SLC35F4: variants seen among roughly 807,000 people sequenced by gnomAD.
SLC35F4 encodes the protein solute carrier family 35 member F4.
Under a neutral mutation model 44.2 loss-of-function variants are expected in SLC35F4, and 24 were observed. The observed-to-expected ratio is 0.54, with a 90% CI of 0.39 to 0.76. The LOEUF (loss-of-function observed/expected upper bound fraction) is 0.76, where lower values mean the gene tolerates loss of function less well. SLC35F4 is among the 30% of genes least tolerant of loss of function. The probability of loss-of-function intolerance (pLI) is 0.00; values close to 1 mark genes in which losing one functional copy is unlikely to be tolerated. For missense variants in SLC35F4, 562 were observed against 586.1 expected (o/e 0.96, Z 0.42); for synonymous variants, 238 against 223.6 (o/e 1.06, Z -0.57).
chr14:57,880,030 GAGGGAGGAAGGAAGGAAGGA>G lies in SLC35F4; in HGVS notation n.282+101863_282+101882del, dbSNP rs1394144205. 9.0e-3 allele frequency among the ~76,000 whole-genome samples: 1,077 copies of G among 120,154 alleles called. 34 individuals are homozygous for G. Among genetic ancestry groups the G allele is most frequent in the African/African-American group, 0.035 (992 of 28,572 alleles). The allele number at this position is 120,154 out of a possible 152,430, so 78.8% of individuals were successfully genotyped here. A position where few individuals can be genotyped will look rare whatever the true frequency, so the allele number is the denominator to read the frequency against. On this transcript the variant is annotated intron_variant and non_coding_transcript_variant, in intron 1 of 1. Transcript: ENST00000556568. ...GAAGGGAAAGGAAAGGAAAGGAAAG[GAGGGAGGAAGGAAGGAAGGA>G]AGGAAGGAAGGAAGGAAGGAAGGAA...
intron 1 of SLC35F4, among the ~76,000 whole-genome samples, chr14:57,952,981 G>GTA (rs1890168216): frequency 3.3e-5 from 5 of 152,122 alleles, no homozygotes; most frequent in Admixed American, 3.3e-4. Context: ...AAAGACACAT[G>GTA]ATCATCAGAT....
chr14:57,602,960 T>G (rs752191484), intron 1 of SLC35F4, among the ~76,000 whole-genome samples: 12 of 152,160 alleles, frequency 7.9e-5, no homozygotes, highest in Non-Finnish European at 1.3e-4. Context: ...AAGTCTAAAG[T>G]TGTTTTCCTA....
intron 2 of SLC35F4, among the ~76,000 whole-genome samples, chr14:57,589,758 A>C (rs945911894): frequency 2.6e-5 from 4 of 152,180 alleles, no homozygotes; most frequent in African/African-American, 9.7e-5. Flanking sequence ...GCTCATGCGG[A>C]TGTTATGCTG....
intron 1 of SLC35F4, among the ~76,000 whole-genome samples, chr14:57,800,425 T>G (rs1289902337): frequency 6.6e-6 from 1 of 151,946 alleles, no homozygotes; most frequent in Non-Finnish European, 1.5e-5. Flanking sequence ...ATGCAAAAAA[T>G]GCTAAAAACT....
intron 1 of SLC35F4, among the ~76,000 whole-genome samples, chr14:57,660,835 A>T (rs2074115569): frequency 6.6e-6 from 1 of 151,844 alleles, no homozygotes; most frequent in African/African-American, 2.4e-5. Context: ...CTGCAATCTC[A>T]TAAGAGACCT....
intron 1 of SLC35F4, among the ~76,000 whole-genome samples, chr14:57,851,941 C>A (rs1470688253): frequency 6.6e-6 from 1 of 152,108 alleles, no homozygotes; most frequent in African/African-American, 2.4e-5. Context: ...AAAATATTAT[C>A]TTGGAAAAAA....
intron 1 of SLC35F4, among the ~76,000 whole-genome samples, chr14:57,754,484 T>C (rs2076952993): frequency 6.6e-6 from 1 of 152,126 alleles, no homozygotes; most frequent in South Asian, 2.1e-4. Context: ...CACCCAAGGG[T>C]ATAAGAGAGC....
intron 1 of SLC35F4, among the ~76,000 whole-genome samples, chr14:57,741,521 G>A (rs928191777): frequency 2.0e-4 from 30 of 148,814 alleles, no homozygotes; most frequent in African/African-American, 3.6e-4. Context: ...GAAATGAAGC[G>A]AGAAGAGAAG....
At chr14:57,791,914 T>G (rs2077929244) in intron 1 of SLC35F4, among the ~76,000 whole-genome samples, 2 of 144,456 alleles carry the variant, frequency 1.4e-5, no homozygotes, top group East Asian at 2.0e-4. Flanking sequence ...AGTTGACCAA[T>G]GAGAACGTAT....
chr14:57,611,735 G>A (rs1400966285), intron 1 of SLC35F4, among the ~76,000 whole-genome samples: 1 of 152,174 alleles, frequency 6.6e-6, no homozygotes, highest in African/African-American at 2.4e-5. Context: ...GTAGAGAAGA[G>A]GTGAAGGAGG....
At chr14:57,948,723 A>T (rs1890080840) in intron 1 of SLC35F4, among the ~76,000 whole-genome samples, 1 of 152,062 alleles carries the variant, frequency 6.6e-6, no homozygotes, top group Non-Finnish European at 1.5e-5. Flanking sequence ...AGAGGTTTTG[A>T]TAAGTTGTGA....
At chr14:57,619,357 C>G (rs2072044898) in intron 1 of SLC35F4, among the ~76,000 whole-genome samples, 1 of 152,052 alleles carries the variant, frequency 6.6e-6, no homozygotes, top group South Asian at 2.1e-4. Flanking sequence ...AGGCAGCAAT[C>G]TTTTCTGTTC....
At chr14:57,937,076 T>TC (rs1889810600) in intron 1 of SLC35F4, among the ~76,000 whole-genome samples, 1 of 151,628 alleles carries the variant, frequency 6.6e-6, no homozygotes, top group African/African-American at 2.4e-5. Flanking sequence ...TTTTTTTTTT[T>TC]TTCTTTTTGA....
chr14:57,664,403 A>G (rs1594745196), intron 1 of SLC35F4, among the ~76,000 whole-genome samples: 1 of 152,022 alleles, frequency 6.6e-6, no homozygotes, highest in Non-Finnish European at 1.5e-5. Flanking sequence ...AGTTCTATTT[A>G]TTTATTTATT....
intron 1 of SLC35F4, among the ~76,000 whole-genome samples, chr14:57,832,077 C>T (rs1416577127): frequency 6.6e-6 from 1 of 152,132 alleles, no homozygotes; most frequent in African/African-American, 2.4e-5. Context: ...AATCTACAAA[C>T]CAGAAGATGT....
chr14:57,805,233 C>T (rs1343708854), intron 1 of SLC35F4, among the ~76,000 whole-genome samples: 2 of 152,046 alleles, frequency 1.3e-5, no homozygotes, highest in African/African-American at 4.8e-5. Flanking sequence ...AGACCTAGAA[C>T]CAGAAATAGT....
At chr14:57,972,542 T>G (rs1566521350), downstream of SLC35F4, among the ~76,000 whole-genome samples, 2 of 150,202 alleles carry the variant, frequency 1.3e-5, no homozygotes, top group East Asian at 3.9e-4. Flanking sequence ...CATGCTGAAG[T>G]GGAAAAAAAA....
chr14:57,822,598 A>G (rs1435592385), intron 1 of SLC35F4, among the ~76,000 whole-genome samples: 1 of 152,140 alleles, frequency 6.6e-6, no homozygotes, highest in African/African-American at 2.4e-5. Flanking sequence ...AGCTCCAAAT[A>G]AAAATGAGTA....
At chr14:57,741,983 A>C (rs1445828906) in intron 1 of SLC35F4, among the ~76,000 whole-genome samples, 1 of 152,212 alleles carries the variant, frequency 6.6e-6, no homozygotes, top group African/African-American at 2.4e-5. Context: ...ACGCTTCATA[A>C]GTGGAGGAGA....
Sources: gnomAD v4.1 joint callset for allele counts (sites outside exome capture counted in the v4.1 genomes callset) on GRCh38, gnomAD v4.1.1 for gene constraint, MANE v1.5 for transcripts, NCBI Gene and HGNC (gene_info 2026-07-23, HGNC 2026-07-21) for gene names.